ZNF407: variants seen among roughly 807,000 people sequenced by gnomAD.
ZNF407 encodes zinc finger protein 407.
ZNF407 carries 17 observed loss-of-function variants against 131.2 expected under a neutral mutation model. The ratio of observed to expected loss-of-function variants is 0.13; its 90% CI spans 0.09 to 0.19. ZNF407 has a LOEUF of 0.19. ZNF407 is among the 10% of genes least tolerant of loss of function. The pLI, the probability that ZNF407 is intolerant of heterozygous loss-of-function variation, is 1.00. For synonymous variants in ZNF407, 1,156 were observed against 1,062.0 expected (o/e 1.09, Z -1.72); for missense variants, 2,681 against 2,830.6 (o/e 0.95, Z 1.20).
chr18:74,779,267 C>T (rs7505077), intron 3 of ZNF407, among the ~76,000 whole-genome samples: 95,876 of 150,130 alleles, frequency 0.64, 32,852 homozygotes, highest in East Asian at 0.95. Context: ...AGGTGCCCGC[C>T]ACCACACCCG....
chr18:74,840,942 G>A (rs1970623708), intron 4 of ZNF407, among the ~76,000 whole-genome samples: 1 of 152,182 alleles, frequency 6.6e-6, no homozygotes, highest in African/African-American at 2.4e-5. Context: ...TGCTGAAAGT[G>A]AGAACACATG....
intron 4 of ZNF407, among the ~76,000 whole-genome samples, chr18:74,814,985 TA>T: frequency 6.6e-6 from 1 of 151,992 alleles, no homozygotes; most frequent in African/African-American, 2.4e-5. Flanking sequence ...GTTTACATTA[TA>T]AAATTTTACA....
At chr18:74,831,887 G>A (rs185336153) in intron 4 of ZNF407, among the ~76,000 whole-genome samples, 48 of 152,230 alleles carry the variant, frequency 3.2e-4, no homozygotes, top group African/African-American at 1.0e-3. Flanking sequence ...CCCACCCTCC[G>A]TGTGCTGTGG....
At chr18:74,841,157 G>T (rs1970627403) in intron 4 of ZNF407, among the ~76,000 whole-genome samples, 1 of 152,222 alleles carries the variant, frequency 6.6e-6, no homozygotes, top group South Asian at 2.1e-4. Context: ...ATTTTCTCAT[G>T]TAGTAATGAG....
intron 8 of ZNF407, among the ~76,000 whole-genome samples, chr18:74,994,500 A>G (rs1310346722): frequency 6.6e-6 from 1 of 152,220 alleles, no homozygotes; most frequent in African/African-American, 2.4e-5. Flanking sequence ...ATTTCCAGAG[A>G]AATTGTGTCT....
chr18:74,958,104 G>A (rs192392760), intron 8 of ZNF407, among the ~76,000 whole-genome samples: 16 of 152,232 alleles, frequency 1.1e-4, no homozygotes, highest in Admixed American at 3.3e-4. Flanking sequence ...AAAAATGTTC[G>A]TCTTCACCTA....
chr18:74,678,110 T>C (rs1451323851), intron 3 of ZNF407, among the ~76,000 whole-genome samples: 2 of 152,206 alleles, frequency 1.3e-5, no homozygotes, highest in African/African-American at 2.4e-5. Flanking sequence ...CGTGAGCCAC[T>C]GCACTCGGCC....
At chr18:74,780,567 A>G (rs1969578789) in intron 3 of ZNF407, among the ~76,000 whole-genome samples, 1 of 152,214 alleles carries the variant, frequency 6.6e-6, no homozygotes, top group Non-Finnish European at 1.5e-5. Context: ...TTAGTAATTA[A>G]CTTTATGAAG....
At chr18:74,936,394 A>G (rs1211798035) in intron 8 of ZNF407, among the ~76,000 whole-genome samples, 9 of 152,234 alleles carry the variant, frequency 5.9e-5, no homozygotes, top group Admixed American at 5.9e-4. Flanking sequence ...GGTTTGATAT[A>G]GACCCCAAAT....
intron 8 of ZNF407, among the ~76,000 whole-genome samples, chr18:75,042,029 C>T (rs1366281376): frequency 6.6e-6 from 1 of 151,408 alleles, no homozygotes; most frequent in African/African-American, 2.4e-5. Context: ...TATCCCTTGC[C>T]CTTTGAATTA....
intron 3 of ZNF407, among the ~76,000 whole-genome samples, chr18:74,652,236 G>A (rs750102066): frequency 2.4e-4 from 36 of 151,940 alleles, no homozygotes; most frequent in Admixed American, 4.6e-4. Flanking sequence ...TTTTTATAGC[G>A]TTGCCAAAAT....
chr18:74,799,907 T>C (rs578258771), intron 4 of ZNF407, among the ~76,000 whole-genome samples: 1 of 151,516 alleles, frequency 6.6e-6, no homozygotes, highest in South Asian at 2.1e-4. Flanking sequence ...AAAATCCTTT[T>C]TTTTTTTTTT....
rs781531279 is a variant in ZNF407, at chr18:75,064,420, G to A, written c.6699G>A (p.Ala2233=). The change falls in exon 9 of 9, where the codon GCG becomes GCA. Residue 2233 remains alanine (A), a synonymous_variant. Coordinates refer to ENST00000299687, the MANE Select transcript of ZNF407 (RefSeq NM_017757.3). ...VIYTQEGSSA[A]AAIQSQRESS... ...ACACCCAGGAGGGCTCCTCGGCCGC[G>A]GCGGCAATTCAGAGCCAAAGAGAAA... is the stretch of plus-strand genomic sequence containing the variant. The A allele has an allele frequency of 3.2e-5, 48 of 1,523,394 alleles. No individual in the cohort carries two copies. In the East Asian group the frequency reaches 3.4e-4, roughly 11 times the overall value. 94.4% of individuals were successfully genotyped at this position (1,523,394 alleles called of 1,614,324 possible).
chr18:74,699,041 C>T (rs1967428840), intron 3 of ZNF407, among the ~76,000 whole-genome samples: 1 of 152,112 alleles, frequency 6.6e-6, no homozygotes, highest in Non-Finnish European at 1.5e-5. Flanking sequence ...CCTAGCATTC[C>T]CTTCTCTCTG....
chr18:74,804,049 C>T (rs1328659577), intron 4 of ZNF407: 1 of 1,551,560 alleles, frequency 6.4e-7, no homozygotes, highest in East Asian at 2.4e-5. Context: ...AGCCCAAAGT[C>T]TTTGTGAGCA....
chr18:74,889,909 A>G lies in ZNF407; in HGVS notation c.5129-9A>G, dbSNP rs749240119. On this transcript the variant is annotated splice_polypyrimidine_tract_variant and intron_variant, in intron 6 of 8. Transcript: ENST00000299687. ...TTATTCATCTGTAACATTTCTTGAT[A>G]TATTACAGGAGAAAAACCTTTCAAG... is the stretch of plus-strand genomic sequence containing the variant. 6.2e-7 allele frequency: 1 copy of G among 1,602,426 alleles called. No homozygotes were observed. The highest frequency in any genetic ancestry group is 8.5e-7 in the Non-Finnish European group (1 of 1,174,236).
intron 3 of ZNF407, among the ~76,000 whole-genome samples, chr18:74,737,688 CAT>C (rs1968450830): frequency 6.6e-6 from 1 of 152,148 alleles, no homozygotes; most frequent in African/African-American, 2.4e-5. Context: ...TGTATATGCA[CAT>C]GTGTGTACAC....
At chr18:74,798,984 G>T (rs544322341) in intron 4 of ZNF407, among the ~76,000 whole-genome samples, 77 of 151,990 alleles carry the variant, frequency 5.1e-4, no homozygotes, top group Non-Finnish European at 1.0e-3. Context: ...ATTTTTAAAT[G>T]AATTAAACTA....
rs956931662 is a variant in ZNF407, at chr18:74,621,249, A to G, written c.-53-9718A>G. Among the ~76,000 whole-genome samples the G allele has an allele frequency of 2.2e-4, 34 of 152,268 alleles. 1 individual carries two copies. Among genetic ancestry groups the G allele is most frequent in the Admixed American group, 1.2e-3 (19 of 15,294 alleles). On this transcript the variant is annotated intron_variant, in intron 1 of 8. Transcript: ENST00000299687. ...AATGGGGTATTCATCCCCTGAAGCA[A>G]TAGGTAATTCCTTTAGGAGTTACCT...
Sources: gnomAD v4.1 joint callset for allele counts (sites outside exome capture counted in the v4.1 genomes callset) on GRCh38, gnomAD v4.1.1 for gene constraint, MANE v1.5 for transcripts, NCBI Gene and HGNC (gene_info 2026-07-23, HGNC 2026-07-21) for gene names.